Variants in GMEB1 observed in about 807,000 individuals in gnomAD.
The protein encoded by GMEB1 is glucocorticoid modulatory element-binding protein 1.
A neutral mutation model predicts 52.4 loss-of-function variants in GMEB1; 6 were observed. The observed-to-expected ratio is 0.11, with a 90% confidence interval of 0.06 to 0.23. The LOEUF (loss-of-function observed/expected upper bound fraction) is 0.23. Ranked by LOEUF, GMEB1 falls within the 10% of genes least tolerant of loss-of-function variation. GMEB1 has a pLI of 1.00. For synonymous variants in GMEB1, 255 were observed against 244.9 expected, an observed-to-expected ratio of 1.04 and a Z score of -0.38; for missense variants, 486 against 685.6, an observed-to-expected ratio of 0.71 and a Z score of 3.25.
chr1:28,691,905 G>T, intron 4 of GMEB1, among the ~76,000 whole-genome samples, 196 bp downstream of exon 4: 1 of 151,578 alleles, frequency 6.6e-6, no homozygotes, highest in Non-Finnish European at 1.5e-5. Flanking sequence ...TTTGGGTTGG[G>T]TGTGGTGGCT....
At chr1:28,692,902 G>T in intron 4 of GMEB1, 40 bp from the exon 5 acceptor site, 1 of 1,103,038 alleles carries the variant, frequency 9.1e-7, no homozygotes, top group South Asian at 1.4e-5. Context: ...GCCTGCCTAA[G>T]TTGACATTAG....
chr1:28,692,487 C>T (rs1204532089), intron 4 of GMEB1, among the ~76,000 whole-genome samples: 1 of 151,090 alleles, frequency 6.6e-6, no homozygotes, highest in Non-Finnish European at 1.5e-5. Context: ...GTTGAGATTG[C>T]GCTGTTGCAC....
intron 1 of GMEB1, among the ~76,000 whole-genome samples, chr1:28,678,228 C>T (rs1669242042): frequency 6.6e-6 from 1 of 151,942 alleles, no homozygotes; most frequent in Admixed American, 6.6e-5. Context: ...GGAAGAAGCT[C>T]CCCTTACAGA....
At chr1:28,706,623 T>A (rs1027928007) in intron 8 of GMEB1, among the ~76,000 whole-genome samples, 10 of 151,214 alleles carry the variant, frequency 6.6e-5, no homozygotes, top group Non-Finnish European at 1.5e-4. Flanking sequence ...AAAAATGGGA[T>A]TATGATGAGA....
At chr1:28,689,142 C>G (rs565363142) in intron 2 of GMEB1, among the ~76,000 whole-genome samples, 35 of 152,046 alleles carry the variant, frequency 2.3e-4, no homozygotes, top group Non-Finnish European at 4.7e-4. Flanking sequence ...CCCGCTTTGT[C>G]CTTCCAAAGT....
rs200622672 is a variant in GMEB1 at position 28,683,642 on chromosome 1, G to A, written c.30G>A (p.Val10=). The A allele has an allele frequency of 9.3e-6, 15 of 1,610,332 alleles. No individual in the cohort carries two copies. Among genetic ancestry groups the A allele is most frequent in the Non-Finnish European group, 1.3e-5 (15 of 1,178,502 alleles). Residue 10 remains valine (V), a synonymous_variant, in exon 2 of 10, where the codon GTG becomes GTA. Coordinates refer to ENST00000373816, the MANE Select transcript of GMEB1 (RefSeq NM_001319674.2). MANAEVSVP[V]GDVVVVPTEG... ...CTAATGCAGAAGTGAGTGTCCCAGT[G>A]GGGGATGTGGTTGTGGTACCTACTG...
intron 5 of GMEB1, among the ~76,000 whole-genome samples, chr1:28,694,384 C>T (rs542781063): frequency 6.0e-5 from 9 of 150,416 alleles, no homozygotes; most frequent in East Asian, 2.0e-4. Flanking sequence ...TTAATAGAGA[C>T]GGGGTTTCAT....
intron 5 of GMEB1, among the ~76,000 whole-genome samples, chr1:28,694,614 T>A (rs1195881108): frequency 6.6e-6 from 1 of 151,902 alleles, no homozygotes; most frequent in Non-Finnish European, 1.5e-5. Flanking sequence ...CAAAGTAGGT[T>A]GGACTACAGG....
chr1:28,672,740 T>TC (rs1026838628), intron 1 of GMEB1, among the ~76,000 whole-genome samples: 11 of 147,358 alleles, frequency 7.5e-5, no homozygotes, highest in African/African-American at 2.2e-4. Context: ...TTGTTCCTTT[T>TC]TTTTTTTTTT....
chr1:28,684,084 A>G (rs924690469), intron 2 of GMEB1, among the ~76,000 whole-genome samples: 1 of 152,002 alleles, frequency 6.6e-6, no homozygotes, highest in African/African-American at 2.4e-5. Context: ...GCTCACTGCA[A>G]CCTCGAATTC....
chr1:28,697,132 A>C, intron 6 of GMEB1, 48 bp downstream of exon 6: 2 of 1,090,764 alleles, frequency 1.8e-6, no homozygotes, highest in Non-Finnish European at 2.6e-6. Context: ...TTTCAGCAGA[A>C]CTTTCCCCCT....
chr1:28,714,504 C>T lies in GMEB1; in HGVS notation c.1423C>T (p.Leu475=). The change falls in exon 10 of 10, where the codon CTG becomes TTG. Residue 475 remains leucine, a synonymous_variant. Coordinates refer to ENST00000373816, the MANE Select transcript of GMEB1 (RefSeq NM_001319674.2). ...SSTAMQDGST[L]GNMTTMVSPV... Reference sequence around the variant, plus strand: ...TACTGCCATGCAGGATGGGAGTACACTGGGCAACATGACCACCATGGTTAG... The same window carrying T: ...TACTGCCATGCAGGATGGGAGTACATTGGGCAACATGACCACCATGGTTAG... The T allele has an allele frequency of 1.2e-6, 2 of 1,614,202 alleles. No individual in the cohort carries two copies.
intron 1 of GMEB1, among the ~76,000 whole-genome samples, chr1:28,677,907 G>A (rs1408549319): frequency 6.6e-6 from 1 of 152,048 alleles, no homozygotes; most frequent in Admixed American, 6.6e-5. Flanking sequence ...GAAGAGGCCG[G>A]GCATGGTGGC....
Position 28,702,439 on chromosome 1 carries a change from T to C in GMEB1, c.600T>C (p.Gly200=). ...TCACCTCTACTGGACTGTTTTTAGGTAGCATCACGCAGATTGCCATCTCAG... is the reference window on the plus strand; with the variant it reads ...TCACCTCTACTGGACTGTTTTTAGGCAGCATCACGCAGATTGCCATCTCAG... The part of the protein sequence containing the change: ...SVVQTPTSAD[G]SITQIAISEE... The change falls in exon 7 of 10, where the codon GGT becomes GGC. Residue 200 remains glycine, a splice_region_variant and synonymous_variant. Coordinates refer to ENST00000373816, the MANE Select transcript of GMEB1 (RefSeq NM_001319674.2). 6.2e-7 allele frequency: 1 copy of C among 1,613,236 alleles called. No homozygotes were observed. The highest frequency in any genetic ancestry group is 1.7e-4 in the Middle Eastern group (1 of 6,058).
rs1671271072 is a variant in GMEB1 at position 28,716,276 on chromosome 1, TC to T, written c.*1504del. On this transcript the variant is annotated 3_prime_UTR_variant, in exon 10 of 10. Coordinates refer to ENST00000373816, the MANE Select transcript of GMEB1 (RefSeq NM_001319674.2). ...GGCTCTGGTTCTTAGACTGTGGCTG[TC>T]ACAGGGATGGGGCTCCAAGGCCATC... 6.6e-6 allele frequency: 1 copy of T among 152,176 alleles called. No homozygotes were observed. 9.4% of individuals were successfully genotyped at this position (152,176 alleles called of 1,614,324 possible).
At chr1:28,713,626 T>A (rs1273589678) in intron 9 of GMEB1, among the ~76,000 whole-genome samples, 3 of 152,220 alleles carry the variant, frequency 2.0e-5, no homozygotes, top group African/African-American at 7.2e-5. Flanking sequence ...TGTGGCTGTT[T>A]GAGTCACCAG....
chr1:28,694,670 A>G (rs1352449767), intron 5 of GMEB1, among the ~76,000 whole-genome samples: 4 of 150,966 alleles, frequency 2.6e-5, no homozygotes, highest in South Asian at 2.1e-4. Context: ...TTTTCTTAAC[A>G]TAGGTTTTTT....
chr1:28,699,751 T>C (rs570647326), intron 6 of GMEB1, among the ~76,000 whole-genome samples: 1 of 151,750 alleles, frequency 6.6e-6, no homozygotes, highest in African/African-American at 2.4e-5. Flanking sequence ...TTTTTTTTCT[T>C]TTTTGCCTTG....
chr1:28,689,211 A>G (rs1669838022), intron 2 of GMEB1, among the ~76,000 whole-genome samples: 1 of 151,826 alleles, frequency 6.6e-6, no homozygotes, highest in Non-Finnish European at 1.5e-5. Flanking sequence ...TTTTTAGTAG[A>G]GGTGGGGTTT....
Sources: allele counts gnomAD v4.1 joint callset (sites outside exome capture counted in the v4.1 genomes callset), GRCh38; gene constraint gnomAD v4.1.1; transcripts MANE v1.5; gene names NCBI Gene and HGNC (gene_info 2026-07-23, HGNC 2026-07-21).